Variants in ABCA4 observed in about 807,000 individuals in gnomAD.
ABCA4 encodes the protein retinal-specific phospholipid-transporting ATPase ABCA4.
Under a neutral mutation model 263.7 loss-of-function variants are expected in ABCA4, and 196 were observed. The ratio of observed to expected loss-of-function variants is 0.74; its 90% CI spans 0.66 to 0.84. ABCA4 has a LOEUF of 0.84. Among genes scored for constraint, ABCA4 ranks in the 40% least tolerant of loss-of-function variants. ABCA4 has a pLI of 0.00. For synonymous variants in ABCA4, 1,133 were observed against 1,094.2 expected, an observed-to-expected ratio of 1.04 and a Z score of -0.70; for missense variants, 2,792 against 2,855.1, an observed-to-expected ratio of 0.98 and a Z score of 0.50.
chr1:94,117,699 G>A (rs113220601), intron 1 of ABCA4, among the ~76,000 whole-genome samples: 243 of 152,124 alleles, frequency 1.6e-3, no homozygotes, highest in African/African-American at 5.2e-3. Context: ...CTCCAGCCCC[G>A]GTGCCTCCTC....
At chr1:94,069,018 G>A (rs1661342154) in intron 11 of ABCA4, among the ~76,000 whole-genome samples, 1 of 152,230 alleles carries the variant, frequency 6.6e-6, no homozygotes, top group South Asian at 2.1e-4. Flanking sequence ...ACCATTTGAA[G>A]TCCACACAAG....
intron 6 of ABCA4, among the ~76,000 whole-genome samples, chr1:94,097,285 G>A (rs961336410): frequency 6.6e-5 from 10 of 152,122 alleles, no homozygotes; most frequent in Non-Finnish European, 1.3e-4. Flanking sequence ...ACTTTCCACG[G>A]AAAGTCACAC....
Position 94,007,171 on chromosome 1 carries a change from C to T in ABCA4, c.6005+463G>A, listed in dbSNP as rs554094297. Among the ~76,000 whole-genome samples the T allele has an allele frequency of 1.4e-4, 22 of 152,298 alleles. 1 individual carries two copies. The South Asian group carries it at 3.9e-3, about 27-fold the overall frequency. Reference sequence around the variant, plus strand: ...AACTCAACCCAGAGGAAGGATTCTTCATTCATCACAGGGGTTCTTAACCTG... The same window carrying T: ...AACTCAACCCAGAGGAAGGATTCTTTATTCATCACAGGGGTTCTTAACCTG... On this transcript the variant is annotated intron_variant, in intron 43 of 49. Coordinates refer to ENST00000370225, the MANE Select transcript of ABCA4 (RefSeq NM_000350.3).
chr1:94,025,360 C>T (rs1660010344), intron 30 of ABCA4, among the ~76,000 whole-genome samples: 1 of 152,148 alleles, frequency 6.6e-6, no homozygotes, highest in Non-Finnish European at 1.5e-5. Context: ...GAGAAACTTC[C>T]ACATGGGTCT....
chr1:94,081,039 A>G (rs1193791444), intron 7 of ABCA4, among the ~76,000 whole-genome samples: 1 of 152,114 alleles, frequency 6.6e-6, no homozygotes, highest in Non-Finnish European at 1.5e-5. Flanking sequence ...CCTGGCGAAC[A>G]TGGTGAAACC....
intron 19 of ABCA4, chr1:94,045,867 G>A (rs1213606051): frequency 2.2e-6 from 1 of 456,162 alleles, no homozygotes; most frequent in African/African-American, 2.0e-5. Context: ...CCCCTGCGAG[G>A]TCCGTGTCTG....
chr1:94,108,560 A>G lies in ABCA4; in HGVS notation c.442+17T>C. The stretch of plus-strand genomic sequence containing the variant: ...GGTGAGGGAAATGATGCTTGAGAGC[A>G]CTGCAGTCATGCTTACCTGCAATTC... On this transcript the variant is annotated intron_variant, in intron 4 of 49. Coordinates refer to ENST00000370225, the MANE Select transcript of ABCA4 (RefSeq NM_000350.3). 1 of 1,613,160 alleles carries G rather than the reference A, an allele frequency of 6.2e-7. No individual in the cohort carries two copies. Among genetic ancestry groups the G allele is most frequent in the Non-Finnish European group, 8.5e-7 (1 of 1,179,850 alleles).
intron 36 of ABCA4, among the ~76,000 whole-genome samples, chr1:94,018,047 G>T (rs185712283): frequency 3.3e-5 from 5 of 152,276 alleles, no homozygotes; most frequent in African/African-American, 1.2e-4. Flanking sequence ...AAATTCTGGA[G>T]CATCAGAAAG....
intron 7 of ABCA4, among the ~76,000 whole-genome samples, chr1:94,083,076 T>A (rs879398850): frequency 1.2e-4 from 18 of 152,240 alleles, no homozygotes; most frequent in Non-Finnish European, 2.2e-4. Flanking sequence ...CAACTGTAAG[T>A]CTTCTGATGA....
intron 8 of ABCA4, 57 bp from the exon 9 acceptor site, chr1:94,079,518 A>G: frequency 1.2e-6 from 2 of 1,611,228 alleles, no homozygotes; most frequent in South Asian, 2.2e-5. Flanking sequence ...GTAACTCAAT[A>G]TAGTCATTAG....
At chr1:94,094,457 G>A (rs76918690) in intron 6 of ABCA4, among the ~76,000 whole-genome samples, 2,293 of 152,260 alleles carry the variant, frequency 0.015, 24 homozygotes, top group Admixed American at 0.023. Flanking sequence ...AATGACAACA[G>A]AGCAGTGGTT....
At chr1:94,046,061 T>C (rs1456286588) in intron 19 of ABCA4, 8 of 397,810 alleles carry the variant, frequency 2.0e-5, no homozygotes, top group Non-Finnish European at 3.5e-5. Context: ...TGATTCTTTT[T>C]TCACTTTCTC....
At chr1:94,072,152 T>C (rs1265355277) in intron 11 of ABCA4, among the ~76,000 whole-genome samples, 1 of 152,176 alleles carries the variant, frequency 6.6e-6, no homozygotes, top group Non-Finnish European at 1.5e-5. Context: ...GAAAAAATAG[T>C]CCAAATCTCT....
At chr1:94,033,158 G>A (rs1200603083) in intron 26 of ABCA4, among the ~76,000 whole-genome samples, 1 of 152,180 alleles carries the variant, frequency 6.6e-6, no homozygotes, top group Non-Finnish European at 1.5e-5. Flanking sequence ...GGTGGCTCAT[G>A]CCTGTAATCC....
chr1:94,053,596 T>A (rs762038052), intron 16 of ABCA4, among the ~76,000 whole-genome samples: 1 of 152,180 alleles, frequency 6.6e-6, no homozygotes, highest in Middle Eastern at 3.2e-3. Context: ...AAGATGGCCA[T>A]GTAAGACAGG....
chr1:94,030,878 T>C (rs988668481), intron 28 of ABCA4, 118 bp downstream of exon 28: 85 of 1,468,136 alleles, frequency 5.8e-5, no homozygotes, highest in Non-Finnish European at 7.8e-5. Flanking sequence ...CAAAGACCCC[T>C]CCCCTCTCTC....
At chr1:94,060,464 G>A in intron 14 of ABCA4, 73 bp downstream of exon 14, 1 of 1,389,836 alleles carries the variant, frequency 7.2e-7, no homozygotes. Context: ...ACTAATCCAG[G>A]CACATGAACA....
chr1:94,064,669 C>T (rs970207201), intron 11 of ABCA4, among the ~76,000 whole-genome samples: 2 of 152,156 alleles, frequency 1.3e-5, no homozygotes, highest in African/African-American at 4.8e-5. Flanking sequence ...TAAAAAACTC[C>T]CTAGGTAATT....
At chr1:94,095,676 T>C (rs1204307773) in intron 6 of ABCA4, among the ~76,000 whole-genome samples, 3 of 151,138 alleles carry the variant, frequency 2.0e-5, no homozygotes, top group African/African-American at 7.3e-5. Context: ...CTTGTTTTTC[T>C]AAAAACCCAA....
Sources: allele counts gnomAD v4.1 joint callset (sites outside exome capture counted in the v4.1 genomes callset), GRCh38; gene constraint gnomAD v4.1.1; transcripts MANE v1.5; gene names NCBI Gene and HGNC (gene_info 2026-07-23, HGNC 2026-07-21).